Variants in DCAF5 observed in about 807,000 individuals in gnomAD.
DCAF5 encodes DDB1- and CUL4-associated factor 5.
In DCAF5, 9 loss-of-function variants were observed where a neutral mutation model predicts 80.7. That is an observed-to-expected ratio of 0.11 (90% CI 0.07 to 0.19). The LOEUF is 0.19. Among genes scored for constraint, DCAF5 ranks in the 10% least tolerant of loss-of-function variants. The pLI, the probability that DCAF5 is intolerant of heterozygous loss-of-function variation, is 1.00. For synonymous variants in DCAF5, 433 were observed against 461.9 expected (o/e 0.94, Z 0.80); for missense variants, 842 against 1,205.7 (o/e 0.70, Z 4.47).
At chr14:69,151,637 G>A (rs1183115405) in intron 1 of DCAF5, among the ~76,000 whole-genome samples, 1 of 152,110 alleles carries the variant, frequency 6.6e-6, no homozygotes, top group Non-Finnish European at 1.5e-5. Context: ...CCGCCCCCTA[G>A]CCCTCACGTA....
intron 1 of DCAF5, among the ~76,000 whole-genome samples, chr14:69,131,270 T>C (rs536370323): frequency 6.6e-6 from 1 of 152,164 alleles, no homozygotes; most frequent in East Asian, 1.9e-4. Context: ...TCTTTTTTTT[T>C]AACTGTGAAG....
At chr14:69,145,555 A>G (rs1220762165) in intron 1 of DCAF5, among the ~76,000 whole-genome samples, 1 of 152,192 alleles carries the variant, frequency 6.6e-6, no homozygotes, top group Non-Finnish European at 1.5e-5. Flanking sequence ...GCAACATAAG[A>G]AAATCAAAAA....
Position 69,118,430 on chromosome 14 carries a change from A to G in DCAF5, c.396-152T>C. 1.4e-6 allele frequency: 1 copy of G among 729,036 alleles called. No homozygotes were observed. Among genetic ancestry groups the G allele is most frequent in the African/African-American group, 1.8e-5 (1 of 57,024 alleles). The allele number at this position is 729,036 out of a possible 1,614,324, so 45.2% of individuals were successfully genotyped here. A position where few individuals can be genotyped will look rare whatever the true frequency, so the allele number is the denominator to read the frequency against. On this transcript the variant is annotated intron_variant, in intron 3 of 8. Coordinates refer to ENST00000341516, the MANE Select transcript of DCAF5 (RefSeq NM_003861.3). The surrounding 1 kb of genome is among the most constrained non-coding windows in gnomAD (Gnocchi z 4.0). ...AAAAATATTATATTTCCTGAAAGGT[A>G]GGTAGTCAACTTTCAGGTTAAAAAA...
At chr14:69,086,787 T>A (rs1195341841) in intron 6 of DCAF5, among the ~76,000 whole-genome samples, 3 of 152,178 alleles carry the variant, frequency 2.0e-5, no homozygotes, top group Admixed American at 2.0e-4. Flanking sequence ...GGCCATTTTG[T>A]TGGATTCATA....
intron 5 of DCAF5, among the ~76,000 whole-genome samples, chr14:69,105,548 C>T (rs761079601): frequency 8.3e-4 from 127 of 152,140 alleles, no homozygotes; most frequent in Non-Finnish European, 1.6e-3. Flanking sequence ...AGAACATGAC[C>T]CGCCTTTAAT....
intron 1 of DCAF5, among the ~76,000 whole-genome samples, chr14:69,124,744 T>C (rs1238677030): frequency 6.6e-6 from 1 of 152,256 alleles, no homozygotes; most frequent in Non-Finnish European, 1.5e-5. Context: ...CAAATGGTTT[T>C]CCACACTGCA....
At chr14:69,147,494 A>G (rs1329296870) in intron 1 of DCAF5, among the ~76,000 whole-genome samples, 1 of 152,100 alleles carries the variant, frequency 6.6e-6, no homozygotes, top group African/African-American at 2.4e-5. Context: ...GGAAACAGAC[A>G]AGAGAGGATA....
Position 69,055,312 on chromosome 14 carries a change from G to T in DCAF5, c.1374C>A (p.Asp458Glu), listed in dbSNP as rs377642895. Reference protein sequence around the residue: ...AGVSERSGYTDSESSASLPRS... With the variant: ...AGVSERSGYTESESSASLPRS... Reference sequence around the variant, plus strand: ...GAGGCAATGAGGCCGAAGACTCTGAGTCAGTGTAGCCTGAGCGCTCGCTGA... The same window carrying T: ...GAGGCAATGAGGCCGAAGACTCTGATTCAGTGTAGCCTGAGCGCTCGCTGA... Residue 458 changes from aspartate (D) to glutamate (E), a missense_variant, in exon 9 of 9, where the codon GAC becomes GAA. Around this residue, in one of 5 missense-constraint regions of DCAF5, gnomAD observed 607 missense variants for 656.6 expected, o/e 0.92. Coordinates refer to ENST00000341516, the MANE Select transcript of DCAF5 (RefSeq NM_003861.3). This position sits in a 1 kb window ranked among gnomAD's most constrained non-coding sequence, Gnocchi z 5.6. The T allele has an allele frequency of 6.2e-7, 1 of 1,614,210 alleles. No individual in the cohort carries two copies. Among genetic ancestry groups the T allele is most frequent in the Admixed American group, 1.7e-5 (1 of 60,034 alleles).
intron 2 of DCAF5, 41 bp from the exon 3 acceptor site, chr14:69,119,271 G>A: frequency 6.2e-7 from 1 of 1,606,114 alleles, no homozygotes; most frequent in Non-Finnish European, 8.5e-7. Flanking sequence ...TTCGTGCAAG[G>A]TGGTCCCTGT....
At chr14:69,088,007 A>C (rs2039404050) in intron 6 of DCAF5, among the ~76,000 whole-genome samples, 1 of 152,256 alleles carries the variant, frequency 6.6e-6, no homozygotes, top group Non-Finnish European at 1.5e-5. Flanking sequence ...TAAAACCAAG[A>C]GACCTTACAT....
chr14:69,062,248 TA>T, intron 8 of DCAF5, 135 bp downstream of exon 8: 1 of 956,056 alleles, frequency 1.0e-6, no homozygotes, highest in Non-Finnish European at 1.5e-6. Context: ...TAATATTTTG[TA>T]ATATGTTAAA....
rs776143702 is a variant in DCAF5, at chr14:69,152,823, G to C, written c.156C>G (p.His52Gln). 6.2e-7 allele frequency: 1 copy of C among 1,614,136 alleles called. No individual in the cohort carries two copies. The highest frequency in any genetic ancestry group is 8.5e-7 in the Non-Finnish European group (1 of 1,180,010). Reference protein sequence around the residue: ...RNLYKKDLLGHFGCVNAIEFS... With the variant: ...RNLYKKDLLGQFGCVNAIEFS... ...ATTCAATGGCATTGACACAGCCGAA[G>C]TGGCCGAGGAGGTCCTTCTTGTAGA... Residue 52 changes from histidine (H) to glutamine (Q), a missense_variant, in exon 1 of 9, where the codon CAC (histidine) becomes CAG (glutamine). His to Gln is a conservative substitution (Grantham distance 24). Coordinates refer to ENST00000341516, the MANE Select transcript of DCAF5 (RefSeq NM_003861.3). The surrounding 1 kb of genome is among the most constrained non-coding windows in gnomAD (Gnocchi z 4.1).
At chr14:69,138,566 T>C (rs775717416) in intron 1 of DCAF5, among the ~76,000 whole-genome samples, 13 of 152,188 alleles carry the variant, frequency 8.5e-5, no homozygotes, top group Non-Finnish European at 1.5e-4. Flanking sequence ...AAGTCCTTTT[T>C]AAATGCAGAA....
Position 69,140,274 on chromosome 14 carries a change from AAG to A in DCAF5, c.214+12489_214+12490del, listed in dbSNP as rs577036729. Among the ~76,000 whole-genome samples the A allele has an allele frequency of 1.4e-3, 216 of 151,680 alleles. 5 individuals carry two copies. In the South Asian group the frequency reaches 0.028, roughly 20 times the overall value. The stretch of plus-strand genomic sequence containing the variant: ...AGAATGAGACTCTGTCTAAAAAAAA[AAG>A]AGAGAGAGAGAGAGAAGACAGAGAA... On this transcript the variant is annotated intron_variant, in intron 1 of 8. Coordinates refer to ENST00000341516, the MANE Select transcript of DCAF5 (RefSeq NM_003861.3).
chr14:69,056,576 C>G (rs919885636), intron 8 of DCAF5, among the ~76,000 whole-genome samples: 1 of 152,222 alleles, frequency 6.6e-6, no homozygotes, highest in African/African-American at 2.4e-5. Flanking sequence ...TTACATCAGC[C>G]TGTAGTCATG....
chr14:69,108,485 G>C (rs2040242973), intron 5 of DCAF5, among the ~76,000 whole-genome samples: 2 of 152,132 alleles, frequency 1.3e-5, no homozygotes, highest in Non-Finnish European at 2.9e-5. Flanking sequence ...GTATGAAATG[G>C]GGTAGGGATT....
intron 5 of DCAF5, among the ~76,000 whole-genome samples, chr14:69,107,972 T>C (rs1327736367): frequency 1.3e-5 from 2 of 152,188 alleles, no homozygotes; most frequent in Non-Finnish European, 2.9e-5. Context: ...TAATAATACA[T>C]ATTAGGACAA....
chr14:69,126,306 C>T (rs1277640744), intron 1 of DCAF5, among the ~76,000 whole-genome samples: 3 of 151,868 alleles, frequency 2.0e-5, no homozygotes, highest in African/African-American at 7.3e-5. Flanking sequence ...TACAGACACC[C>T]ACCACCACGC....
At chr14:69,146,788 T>A (rs563000302) in intron 1 of DCAF5, among the ~76,000 whole-genome samples, 3 of 152,262 alleles carry the variant, frequency 2.0e-5, no homozygotes, top group African/African-American at 7.2e-5. Context: ...AATAATAAAA[T>A]ACCTTCACAG....
Sources: gnomAD v4.1 joint callset for allele counts (sites outside exome capture counted in the v4.1 genomes callset) on GRCh38, gnomAD v4.1.1 for gene constraint, gnomAD v4.1.1 regional missense constraint, Gnocchi (gnomAD v3.1) non-coding constraint, MANE v1.5 for transcripts, NCBI Gene and HGNC (gene_info 2026-07-23, HGNC 2026-07-21) for gene names.